Variants in DIP2C observed in about 807,000 individuals in gnomAD.
DIP2C encodes disco-interacting protein 2 homolog C.
In DIP2C, 33 loss-of-function variants were observed where a neutral mutation model predicts 192.4. That is an observed-to-expected ratio of 0.17 (90% CI 0.13 to 0.23). DIP2C has a LOEUF of 0.23. Ranked by LOEUF, DIP2C falls within the 10% of genes least tolerant of loss-of-function variation. The pLI, the probability that DIP2C is intolerant of heterozygous loss-of-function variation, is 1.00. For missense variants in DIP2C, 1,537 were observed against 2,110.1 expected, an observed-to-expected ratio of 0.73 and a Z score of 5.32; for synonymous variants, 979 against 864.1, an observed-to-expected ratio of 1.13 and a Z score of -2.33.
At chr10:306,409 G>A (rs772104729) in intron 32 of DIP2C, among the ~76,000 whole-genome samples, 4 of 152,254 alleles carry the variant, frequency 2.6e-5, no homozygotes, top group East Asian at 1.9e-4. Context: ...TTTCTTGTGC[G>A]TGTGCACATT....
intron 1 of DIP2C, among the ~76,000 whole-genome samples, chr10:524,096 A>C (rs1037706891): frequency 1.8e-4 from 1 of 5,508 alleles, no homozygotes; most frequent in Non-Finnish European, 6.3e-4. Context: ...TGACTGGAGC[A>C]CCCCTTCAGG....
At chr10:497,659 G>A (rs1234949765) in intron 1 of DIP2C, among the ~76,000 whole-genome samples, 1 of 152,224 alleles carries the variant, frequency 6.6e-6, no homozygotes, top group Non-Finnish European at 1.5e-5. Flanking sequence ...AGCTGAACAT[G>A]CAGCCAGGGC....
At chr10:389,076 A>C (rs1963236213) in intron 13 of DIP2C, among the ~76,000 whole-genome samples, 1 of 66,226 alleles carries the variant, frequency 1.5e-5, no homozygotes, top group African/African-American at 4.8e-5. Flanking sequence ...TCTCAGGGGC[A>C]TGGGGGTTCT....
chr10:612,580 C>T (rs556428789), intron 1 of DIP2C, among the ~76,000 whole-genome samples: 1 of 152,200 alleles, frequency 6.6e-6, no homozygotes, highest in East Asian at 1.9e-4. Flanking sequence ...AAATATGAAC[C>T]CTCCCATCTG....
At chr10:509,725 C>T (rs1294619557) in intron 1 of DIP2C, among the ~76,000 whole-genome samples, 5 of 152,196 alleles carry the variant, frequency 3.3e-5, no homozygotes, top group Non-Finnish European at 7.3e-5. Context: ...GAAGGGCCGA[C>T]AAACCCCACA....
At chr10:445,261 C>T (rs1440351433) in intron 3 of DIP2C, among the ~76,000 whole-genome samples, 2 of 150,840 alleles carry the variant, frequency 1.3e-5, no homozygotes, top group Non-Finnish European at 3.0e-5. Context: ...GCCCATGGGG[C>T]ATCTGTATAC....
At chr10:533,672 A>G (rs112628038) in intron 1 of DIP2C, among the ~76,000 whole-genome samples, 2,090 of 149,592 alleles carry the variant, frequency 0.014, 53 homozygotes, top group African/African-American at 0.049. Flanking sequence ...AAAGCCACGT[A>G]CCTCCCTCAC....
Position 651,208 on chromosome 10 carries a change from T to G in DIP2C, c.85+38286A>C, listed in dbSNP as rs1161989395. ...GTCCTCCACGCATATCTACAGACCC[T>G]GTCCTCACCTGCATCACACCAATGA... is the stretch of plus-strand genomic sequence containing the variant. On this transcript the variant is annotated intron_variant, in intron 1 of 36. Transcript: ENST00000280886. The surrounding 1 kb of genome is among the most constrained non-coding windows in gnomAD (Gnocchi z 4.1). 1.4e-6 allele frequency: 1 copy of G among 717,190 alleles called. No individual in the cohort carries two copies. Among genetic ancestry groups the G allele is most frequent in the Non-Finnish European group, 2.6e-6 (1 of 385,140 alleles). The allele number at this position is 717,190 out of a possible 1,614,324, so 44.4% of individuals were successfully genotyped here.
intron 1 of DIP2C, among the ~76,000 whole-genome samples, chr10:644,352 C>A (rs1450391075): frequency 6.6e-6 from 1 of 152,268 alleles, no homozygotes; most frequent in Admixed American, 6.5e-5. Context: ...TGAATTGTCT[C>A]CTGGTCACTA....
chr10:559,313 TG>T (rs1324407591), intron 1 of DIP2C, among the ~76,000 whole-genome samples: 1 of 132,638 alleles, frequency 7.5e-6, no homozygotes, highest in Non-Finnish European at 1.5e-5. Flanking sequence ...CTGGTGTCCA[TG>T]GGGGCGGTGG....
At chr10:422,752 GCAAA>G (rs1194434031) in intron 5 of DIP2C, 68 bp downstream of exon 5, 1 of 1,516,080 alleles carries the variant, frequency 6.6e-7, no homozygotes, top group African/African-American at 1.4e-5. Flanking sequence ...CTGCAACGAT[GCAAA>G]CAGAGAATGT....
intron 3 of DIP2C, among the ~76,000 whole-genome samples, chr10:446,983 G>A (rs557955847): frequency 3.3e-5 from 5 of 152,356 alleles, no homozygotes; most frequent in Admixed American, 2.6e-4. Flanking sequence ...TGGGTTTGAT[G>A]TAGTAATAAT....
At chr10:592,108 G>A (rs541997464) in intron 1 of DIP2C, among the ~76,000 whole-genome samples, 10 of 152,244 alleles carry the variant, frequency 6.6e-5, no homozygotes, top group East Asian at 5.8e-4. Flanking sequence ...TGTTATAAAC[G>A]TATAATTAGA....
At chr10:616,759 A>T (rs898414812) in intron 1 of DIP2C, among the ~76,000 whole-genome samples, 1 of 152,244 alleles carries the variant, frequency 6.6e-6, no homozygotes, top group Non-Finnish European at 1.5e-5. Flanking sequence ...CCAGGCAAGC[A>T]TAGAGAGTCT....
chr10:490,348 G>A (rs189440608), intron 1 of DIP2C, among the ~76,000 whole-genome samples: 101 of 152,352 alleles, frequency 6.6e-4, no homozygotes, highest in Admixed American at 1.6e-3. Flanking sequence ...CAAATGCTCC[G>A]AAAGAGGGCA....
rs1554821666 is a variant in DIP2C at position 334,321 on chromosome 10, A to AAAG, written c.3585-4721_3585-4720insCTT. On this transcript the variant is annotated intron_variant, in intron 29 of 36. Transcript: ENST00000280886. Reference sequence around the variant, plus strand: ...GACTGTCTCAAAAAAAAAAAAAAAAAAAAAGAAAAAATTTATTACATAGGT... The same window carrying AAAG: ...GACTGTCTCAAAAAAAAAAAAAAAAAAAGAAAAGAAAAAATTTATTACATAGGT... 5.9e-5 allele frequency among the ~76,000 whole-genome samples: 9 copies of AAAG among 151,376 alleles called. 1 individual carries two copies. Among genetic ancestry groups the AAAG allele is most frequent in the Admixed American group, 3.3e-4 (5 of 15,204 alleles).
chr10:596,262 C>A (rs1851692185), intron 1 of DIP2C, among the ~76,000 whole-genome samples: 1 of 152,104 alleles, frequency 6.6e-6, no homozygotes, highest in Admixed American at 6.5e-5. Flanking sequence ...GTAATCCCAG[C>A]ACGTTGGGTG....
At chr10:567,865 G>C (rs1043133651) in intron 1 of DIP2C, among the ~76,000 whole-genome samples, 1 of 151,696 alleles carries the variant, frequency 6.6e-6, no homozygotes, top group African/African-American at 2.4e-5. Flanking sequence ...CCTGACCTCC[G>C]GTGATCCACC....
At chr10:494,432 C>A (rs1391954797) in intron 1 of DIP2C, among the ~76,000 whole-genome samples, 1 of 152,216 alleles carries the variant, frequency 6.6e-6, no homozygotes, top group Admixed American at 6.5e-5. Context: ...GAAGCACACA[C>A]TCCCTCACCC....
Sources: gnomAD v4.1 joint callset for allele counts (sites outside exome capture counted in the v4.1 genomes callset) on GRCh38, gnomAD v4.1.1 for gene constraint, Gnocchi (gnomAD v3.1) non-coding constraint, MANE v1.5 for transcripts, NCBI Gene and HGNC (gene_info 2026-07-23, HGNC 2026-07-21) for gene names.